ANKRD44: variants seen among roughly 807,000 people sequenced by gnomAD.
The protein encoded by ANKRD44 is serine/threonine-protein phosphatase 6 regulatory ankyrin repeat subunit B.
ANKRD44 carries 35 observed loss-of-function variants against 116.0 expected under a neutral mutation model. The observed-to-expected ratio is 0.30, with a 90% CI of 0.23 to 0.40. The LOEUF (loss-of-function observed/expected upper bound fraction) is 0.40, where lower values mean the gene tolerates loss of function less well. Among genes scored for constraint, ANKRD44 ranks in the 10% least tolerant of loss-of-function variants. The probability of loss-of-function intolerance (pLI) is 1.00; values close to 1 mark genes in which losing one functional copy is unlikely to be tolerated. For missense variants in ANKRD44, 1,014 were observed against 1,242.6 expected (o/e 0.82, Z 2.77); for synonymous variants, 435 against 461.8 (o/e 0.94, Z 0.74).
chr2:197,088,687 T>A, intron 12 of ANKRD44, 24 bp downstream of exon 12: 1 of 1,534,876 alleles, frequency 6.5e-7, no homozygotes, highest in South Asian at 1.2e-5. Flanking sequence ...ACTCATAAAT[T>A]AACTAGAATT....
Position 197,126,010 on chromosome 2 carries a change from A to G in ANKRD44, c.289T>C (p.Ser97Pro). ...EEAVQVLIKH[S>P]ADVNARDKNW... is the part of the protein sequence containing the mutation. ...TTGTCCCTTGCATTGACATCAGCTG[A>G]GTGCTTAATCAAAACCTGTACTGCT... Residue 97 changes from serine (S) to proline (P), a missense_variant, in exon 5 of 28, where the codon TCA becomes CCA. Physicochemically the swap from Ser to Pro is moderately conservative, Grantham distance 74. Transcript: ENST00000282272. 1 of 1,614,208 alleles carries G rather than the reference A, an allele frequency of 6.2e-7. No individual in the cohort carries two copies. The highest frequency in any genetic ancestry group is 8.5e-7 in the Non-Finnish European group (1 of 1,180,042).
exon 22 of ANKRD44, chr2:196,967,329 A>G (rs776436519): frequency 2.4e-5 from 10 of 408,848 alleles, no homozygotes; most frequent in Non-Finnish European, 4.8e-5. Context: ...CAGCTCCTGC[A>G]GAGTGTAACC....
intron 1 of ANKRD44, among the ~76,000 whole-genome samples, chr2:197,253,347 T>C (rs1442936816): frequency 6.6e-6 from 1 of 152,180 alleles, no homozygotes; most frequent in Non-Finnish European, 1.5e-5. Flanking sequence ...ATTATTAGAA[T>C]CTTATTCTAG....
At chr2:197,127,155 G>T (rs573537480) in intron 4 of ANKRD44, among the ~76,000 whole-genome samples, 3 of 152,302 alleles carry the variant, frequency 2.0e-5, no homozygotes, top group African/African-American at 7.2e-5. Context: ...TGACCTGTCA[G>T]CCTGGCTGAC....
intron 1 of ANKRD44, among the ~76,000 whole-genome samples, chr2:197,220,728 A>T (rs2081566208): frequency 2.0e-5 from 3 of 152,358 alleles, no homozygotes; most frequent in Admixed American, 1.3e-4. Context: ...TTAAAATTTT[A>T]AAATGCTGAC....
At chr2:196,975,625 T>TAA (rs113571103) in intron 21 of ANKRD44, among the ~76,000 whole-genome samples, 3 of 106,262 alleles carry the variant, frequency 2.8e-5, no homozygotes, top group Non-Finnish European at 6.4e-5. Context: ...TTTTTTTTTT[T>TAA]AAAAAAAATA....
At chr2:197,099,489 GT>G in intron 10 of ANKRD44, 1 of 1,041,358 alleles carries the variant, frequency 9.6e-7, no homozygotes, top group Non-Finnish European at 1.2e-6. Flanking sequence ...AATTGGCTCA[GT>G]TAGGTTTTAT....
At chr2:197,245,249 G>A (rs548642296) in intron 1 of ANKRD44, among the ~76,000 whole-genome samples, 1 of 152,192 alleles carries the variant, frequency 6.6e-6, no homozygotes, top group African/African-American at 2.4e-5. Flanking sequence ...AACAGAGCAA[G>A]ACTCCATCTC....
At chr2:197,222,792 ATTTAT>A (rs1389023796) in intron 1 of ANKRD44, among the ~76,000 whole-genome samples, 2 of 149,470 alleles carry the variant, frequency 1.3e-5, no homozygotes, top group East Asian at 1.9e-4. Flanking sequence ...TAGTTGATTT[ATTTAT>A]TTTATTTATT....
At chr2:197,117,515 G>A (rs1197018233) in intron 8 of ANKRD44, among the ~76,000 whole-genome samples, 5 of 152,266 alleles carry the variant, frequency 3.3e-5, no homozygotes, top group Middle Eastern at 6.8e-3. Flanking sequence ...TCGGATTACA[G>A]GCGTGAGCCA....
intron 1 of ANKRD44, among the ~76,000 whole-genome samples, chr2:197,248,578 G>GTATATATATATATATATATATATATA (rs377124357): frequency 1.9e-4 from 28 of 144,248 alleles, no homozygotes; most frequent in Admixed American, 5.5e-4. Context: ...GTGTGTGTGT[G>GTATATATATATATATATATATATATA]TATATATATA....
At chr2:197,265,380 G>A (rs1256294216) in intron 1 of ANKRD44, among the ~76,000 whole-genome samples, 1 of 151,876 alleles carries the variant, frequency 6.6e-6, no homozygotes, top group East Asian at 1.9e-4. Context: ...CCGAATAGCT[G>A]GGACTATAGG....
intron 1 of ANKRD44, among the ~76,000 whole-genome samples, chr2:197,309,481 T>C (rs1322217554): frequency 6.6e-6 from 1 of 152,212 alleles, no homozygotes; most frequent in Non-Finnish European, 1.5e-5. Context: ...GGTGACGGAC[T>C]GCACTTCAGT....
chr2:197,081,977 T>G (rs576585773), intron 14 of ANKRD44, among the ~76,000 whole-genome samples: 1 of 152,296 alleles, frequency 6.6e-6, no homozygotes, highest in African/African-American at 2.4e-5. Context: ...AAGGTAACAA[T>G]CAAGTTGCCC....
intron 1 of ANKRD44, among the ~76,000 whole-genome samples, chr2:197,297,943 T>A (rs2083772596): frequency 6.6e-6 from 1 of 152,344 alleles, no homozygotes; most frequent in East Asian, 1.9e-4. Flanking sequence ...AAATTACTCA[T>A]GACAGTATCA....
chr2:197,172,307 A>G (rs1676110533), intron 2 of ANKRD44, among the ~76,000 whole-genome samples: 1 of 151,742 alleles, frequency 6.6e-6, no homozygotes, highest in Admixed American at 6.6e-5. Context: ...CGGCCCCATT[A>G]TTATTCTTAA....
Position 197,246,080 on chromosome 2 carries a change from T to C in ANKRD44, c.28-58974A>G, listed in dbSNP as rs1316004897. On this transcript the variant is annotated intron_variant, in intron 1 of 27. Coordinates refer to ENST00000282272, the MANE Select transcript of ANKRD44 (RefSeq NM_001195144.2). Reference sequence around the variant, plus strand: ...ATGAGTCCTGATGAAGACCAGGCTTTGAAGAATGAAATGTAAGGAAGACAT... The same window carrying C: ...ATGAGTCCTGATGAAGACCAGGCTTCGAAGAATGAAATGTAAGGAAGACAT... Among the ~76,000 whole-genome samples the C allele has an allele frequency of 2.6e-5, 4 of 152,168 alleles. No individual in the cohort carries two copies. The East Asian group carries it at 7.7e-4, about 29-fold the overall frequency.
intron 1 of ANKRD44, among the ~76,000 whole-genome samples, chr2:197,232,477 G>T (rs142530117): frequency 4.7e-4 from 71 of 152,312 alleles, no homozygotes; most frequent in African/African-American, 1.5e-3. Context: ...AGCAATGCCA[G>T]GTAGAAATGG....
chr2:197,147,174 T>G, intron 2 of ANKRD44, 69 bp from the exon 3 acceptor site: 1 of 1,313,982 alleles, frequency 7.6e-7, no homozygotes, highest in East Asian at 2.4e-5. Flanking sequence ...GTAGACATAG[T>G]AAGACGTGTC....
Sources: gnomAD v4.1 joint callset for allele counts (sites outside exome capture counted in the v4.1 genomes callset) on GRCh38, gnomAD v4.1.1 for gene constraint, MANE v1.5 for transcripts, NCBI Gene and HGNC (gene_info 2026-07-23, HGNC 2026-07-21) for gene names.